Variants in KPNA5 observed in about 807,000 individuals in gnomAD.
KPNA5 encodes the protein karyopherin subunit alpha 5.
A neutral mutation model predicts 71.3 loss-of-function variants in KPNA5; 46 were observed. The observed-to-expected ratio is 0.65, with a 90% CI of 0.51 to 0.83. The LOEUF is 0.83. Among genes scored for constraint, KPNA5 ranks in the 40% least tolerant of loss-of-function variants. KPNA5 has a pLI of 0.00. For missense variants in KPNA5, 547 were observed against 628.3 expected, an observed-to-expected ratio of 0.87 and a Z score of 1.38; for synonymous variants, 207 against 201.4, an observed-to-expected ratio of 1.03 and a Z score of -0.24.
intron 8 of KPNA5, among the ~76,000 whole-genome samples, chr6:116,718,751 T>C (rs1778996229): frequency 6.6e-6 from 1 of 151,888 alleles, no homozygotes; most frequent in Non-Finnish European, 1.5e-5. Flanking sequence ...TCATTCACTT[T>C]TTTTGAAATT....
At chr6:116,725,449 C>T (rs1185694884) in intron 10 of KPNA5, among the ~76,000 whole-genome samples, 3 of 152,060 alleles carry the variant, frequency 2.0e-5, no homozygotes, top group South Asian at 2.1e-4. Context: ...ATCCTGACCT[C>T]GGTCACCAAA....
At chr6:116,700,339 A>C (rs998461605) in intron 5 of KPNA5, among the ~76,000 whole-genome samples, 14 of 152,120 alleles carry the variant, frequency 9.2e-5, no homozygotes, top group African/African-American at 3.4e-4. Flanking sequence ...GTGTGGTGGC[A>C]TGCACCTGTA....
At chr6:116,704,566 T>C (rs1318174216) in intron 6 of KPNA5, among the ~76,000 whole-genome samples, 1 of 152,186 alleles carries the variant, frequency 6.6e-6, no homozygotes, top group Non-Finnish European at 1.5e-5. Context: ...TTGAACAGTA[T>C]AGATATTTCA....
chr6:116,740,990 A>G lies in KPNA5; in HGVS notation c.*8667A>G, dbSNP rs1469510132. On this transcript the variant is annotated 3_prime_UTR_variant, in exon 14 of 14. Transcript: ENST00000368564. ...GCACATGTACCCTGAAACTTAAAGT[A>G]TAATAAAAAAAAAAGAAATGTACTT... 1 of 150,912 alleles carries G rather than the reference A, an allele frequency of 6.6e-6. No individual in the cohort carries two copies. The highest frequency in any genetic ancestry group is 2.5e-5 in the African/African-American group (1 of 40,314). The allele number at this position is 150,912 out of a possible 1,614,324, so 9.3% of individuals were successfully genotyped here. A position where few individuals can be genotyped will look rare whatever the true frequency, so the allele number is the denominator to read the frequency against.
At chr6:116,682,110 CA>C (rs1365934203) in intron 1 of KPNA5, among the ~76,000 whole-genome samples, 3 of 151,536 alleles carry the variant, frequency 2.0e-5, no homozygotes, top group African/African-American at 7.3e-5. Flanking sequence ...ACCAAAAATA[CA>C]AAAAATACAA....
chr6:116,704,128 C>T (rs1289691707), intron 6 of KPNA5, among the ~76,000 whole-genome samples: 1 of 152,032 alleles, frequency 6.6e-6, no homozygotes, highest in Non-Finnish European at 1.5e-5. Flanking sequence ...ACCACCACCT[C>T]CTGGGTTTCA....
chr6:116,719,489 G>C (rs1169451858), intron 8 of KPNA5, among the ~76,000 whole-genome samples: 3 of 152,092 alleles, frequency 2.0e-5, no homozygotes, highest in African/African-American at 7.2e-5. Flanking sequence ...GACAGATTTT[G>C]CATTCTTTTG....
intron 4 of KPNA5, among the ~76,000 whole-genome samples, chr6:116,697,044 T>C (rs925193927): frequency 6.6e-6 from 1 of 152,024 alleles, no homozygotes; most frequent in African/African-American, 2.4e-5. Flanking sequence ...AACCCTATAT[T>C]TTCTTCCTTC....
At position 116,733,695 on chromosome 6, in the gene KPNA5, A is replaced by G. The variant is rs1174742208; in HGVS notation, c.*1372A>G. The G allele has an allele frequency of 6.6e-6, 1 of 151,592 alleles. No individual in the cohort carries two copies. The highest frequency in any genetic ancestry group is 1.9e-4 in the East Asian group (1 of 5,194). 9.4% of individuals were successfully genotyped at this position (151,592 alleles called of 1,614,324 possible). ...TTATACGTAGGCTATTTATGTGTCC[A>G]ATTGTATACCTAGAATACTTACTTA... On this transcript the variant is annotated 3_prime_UTR_variant, in exon 14 of 14. Transcript: ENST00000368564.
intron 10 of KPNA5, among the ~76,000 whole-genome samples, chr6:116,724,975 C>T (rs774496127): frequency 3.9e-5 from 6 of 152,188 alleles, no homozygotes; most frequent in East Asian, 1.9e-4. Context: ...CTTTGTTTAC[C>T]GCCTTACAGT....
At chr6:116,714,829 C>T (rs934480132) in intron 7 of KPNA5, among the ~76,000 whole-genome samples, 2 of 152,124 alleles carry the variant, frequency 1.3e-5, no homozygotes, top group African/African-American at 4.8e-5. Flanking sequence ...TTTCAGGGAA[C>T]CTCCAAACAG....
intron 2 of KPNA5, 26 bp downstream of exon 2, chr6:116,689,479 TG>T: frequency 6.5e-7 from 1 of 1,527,004 alleles, no homozygotes; most frequent in Non-Finnish European, 8.8e-7. Flanking sequence ...TATTTAATTT[TG>T]TTTTTTAAAA....
intron 9 of KPNA5, among the ~76,000 whole-genome samples, chr6:116,722,808 T>C (rs946093915): frequency 6.6e-6 from 1 of 152,240 alleles, no homozygotes; most frequent in Non-Finnish European, 1.5e-5. Flanking sequence ...GTTAAAAACG[T>C]TGAAGAAAAC....
At chr6:116,703,422 C>T (rs1778305434) in intron 6 of KPNA5, among the ~76,000 whole-genome samples, 1 of 152,040 alleles carries the variant, frequency 6.6e-6, no homozygotes, top group Non-Finnish European at 1.5e-5. Flanking sequence ...GCCACCACGC[C>T]CGGCTAGTTT....
intron 8 of KPNA5, among the ~76,000 whole-genome samples, chr6:116,718,266 CT>C (rs555910312): frequency 0.016 from 2,272 of 137,940 alleles, 48 homozygotes; most frequent in African/African-American, 0.054. Context: ...TTTTTTTTTT[CT>C]TTTTTTTTTT....
At chr6:116,709,269 G>A (rs1010292097) in intron 7 of KPNA5, among the ~76,000 whole-genome samples, 11 of 152,092 alleles carry the variant, frequency 7.2e-5, no homozygotes, top group Admixed American at 1.3e-4. Flanking sequence ...AGGGAGGGTC[G>A]TTTGAGGTCA....
rs377106027 is a variant in KPNA5, at chr6:116,702,113, A to G, written c.530A>G (p.Lys177Arg). Residue 177 changes from lysine to arginine, a missense_variant, in exon 6 of 14, where the codon AAA becomes AGA. Coordinates refer to ENST00000368564, the MANE Select transcript of KPNA5 (RefSeq NM_001366306.2). ...IETGAVPIFI[K>R]LLNSEHEDVQ... ...ACTGGGGCTGTTCCGATTTTTATCAAACTTCTTAATTCTGAACATGAAGAT... is the reference window on the plus strand; with the variant it reads ...ACTGGGGCTGTTCCGATTTTTATCAGACTTCTTAATTCTGAACATGAAGAT... 2.0e-5 allele frequency: 33 copies of G among 1,613,866 alleles called. No homozygotes were observed. The highest frequency in any genetic ancestry group is 2.7e-5 in the Non-Finnish European group (32 of 1,179,962).
rs1232768917 is a variant in KPNA5 at position 116,732,991 on chromosome 6, G to A, written c.*668G>A. 1 of 151,688 alleles carries A rather than the reference G, an allele frequency of 6.6e-6. No homozygotes were observed. The highest frequency in any genetic ancestry group is 6.6e-5 in the Admixed American group (1 of 15,172). 9.4% of individuals were successfully genotyped at this position (151,688 alleles called of 1,614,324 possible). A position where few individuals can be genotyped will look rare whatever the true frequency, so the allele number is the denominator to read the frequency against. On this transcript the variant is annotated 3_prime_UTR_variant, in exon 14 of 14. Transcript: ENST00000368564. ...GAAGGGAGAAGCTGTTTTTCATGTT[G>A]AACACATTAAAAAGATTACTTTATA...
intron 7 of KPNA5, among the ~76,000 whole-genome samples, chr6:116,715,240 A>G (rs666019): frequency 0.061 from 9,348 of 152,156 alleles, 401 homozygotes; most frequent in Admixed American, 0.15. Flanking sequence ...TAGGAGGTTA[A>G]CAAACTCCTG....
Sources: gnomAD v4.1 joint callset for allele counts (sites outside exome capture counted in the v4.1 genomes callset) on GRCh38, gnomAD v4.1.1 for gene constraint, MANE v1.5 for transcripts, NCBI Gene and HGNC (gene_info 2026-07-23, HGNC 2026-07-21) for gene names.